Variants in MRPS28 observed in about 807,000 individuals in gnomAD.
The protein encoded by MRPS28 is mitochondrial ribosomal protein S28, also known as small ribosomal subunit protein bS1m.
Under a neutral mutation model 10.8 loss-of-function variants are expected in MRPS28, and 7 were observed. The observed-to-expected ratio is 0.65, with a 90% CI of 0.37 to 1.22. The LOEUF is 1.22. Among genes scored for constraint, MRPS28 ranks in the 50% most tolerant of loss-of-function variants. The pLI is 0.02. For missense variants in MRPS28, 265 were observed against 232.9 expected, an observed-to-expected ratio of 1.14 and a Z score of -0.90; for synonymous variants, 121 against 93.3, an observed-to-expected ratio of 1.30 and a Z score of -1.71.
rs55883340 is a variant in MRPS28, at chr8:80,018,295, C to CAAAAA, written c.213+11736_213+11740dup. 4.5e-4 allele frequency among the ~76,000 whole-genome samples: 24 copies of CAAAAA among 53,010 alleles called. 1 individual carries two copies. The highest frequency in any genetic ancestry group is 1.9e-3 in the African/African-American group (23 of 12,392). The allele number at this position is 53,010 out of a possible 152,430, so 34.8% of individuals were successfully genotyped here. A position where few individuals can be genotyped will look rare whatever the true frequency, so the allele number is the denominator to read the frequency against. On this transcript the variant is annotated intron_variant, in intron 1 of 2. Transcript: ENST00000276585. ...TGGGAGACAGAGCAATACTCTGTCT[C>CAAAAA]AAAAAAAAAAAAAAAAAAAAAAGGC...
intron 2 of MRPS28, among the ~76,000 whole-genome samples, chr8:79,979,390 C>T (rs148920069): frequency 4.2e-4 from 64 of 152,176 alleles, no homozygotes; most frequent in African/African-American, 1.4e-3. Flanking sequence ...CAGAGCCTTC[C>T]CTGCAGTTAG....
intron 2 of MRPS28, among the ~76,000 whole-genome samples, chr8:79,981,972 G>A (rs994806716): frequency 6.6e-6 from 1 of 152,204 alleles, no homozygotes; most frequent in South Asian, 2.1e-4. Flanking sequence ...TGGGCAGGGT[G>A]CAGTGGCTCA....
rs564318091 is a variant in MRPS28, at chr8:80,006,599, A to G, written c.214-3419T>C. On this transcript the variant is annotated intron_variant, in intron 1 of 2. Transcript: ENST00000276585. The stretch of plus-strand genomic sequence containing the variant: ...AATGATAAAGGGGATATCACCACCG[A>G]TCCCACAGAAATACAAACTAACATC... Among the ~76,000 whole-genome samples the G allele has an allele frequency of 6.1e-3, 928 of 152,320 alleles. 5 individuals are homozygous for G. Among genetic ancestry groups the G allele is most frequent in the African/African-American group, 0.021 (891 of 41,570 alleles).
At chr8:79,950,161 A>T (rs986585002) in intron 2 of MRPS28, among the ~76,000 whole-genome samples, 1 of 152,250 alleles carries the variant, frequency 6.6e-6, no homozygotes, top group Non-Finnish European at 1.5e-5. Context: ...CAAAATATTC[A>T]TTAAAAGTCA....
intron 2 of MRPS28, among the ~76,000 whole-genome samples, chr8:79,951,431 T>C (rs1807077683): frequency 6.6e-6 from 1 of 152,204 alleles, no homozygotes; most frequent in African/African-American, 2.4e-5. Flanking sequence ...CTGTGCATCC[T>C]GGCACACAGG....
intron 2 of MRPS28, among the ~76,000 whole-genome samples, chr8:79,981,132 G>A (rs2130076776): frequency 6.6e-6 from 1 of 152,188 alleles, no homozygotes; most frequent in African/African-American, 2.4e-5. Context: ...AGTTCAAGAT[G>A]AGCCTGGGCA....
At chr8:80,026,510 A>G (rs1809496693) in intron 1 of MRPS28, among the ~76,000 whole-genome samples, 1 of 152,216 alleles carries the variant, frequency 6.6e-6, no homozygotes, top group Non-Finnish European at 1.5e-5. Context: ...TATGCACTAC[A>G]TGTACTATTC....
chr8:80,028,664 C>CGGGGGGGGGGGG (rs1278468176), intron 1 of MRPS28: 10 of 7,074 alleles, frequency 1.4e-3, no homozygotes, highest in African/African-American at 2.2e-3. Context: ...GGGGCGGGGC[C>CGGGGGGGGGGGG]GGGCGGGGTC....
intron 2 of MRPS28, among the ~76,000 whole-genome samples, chr8:79,963,445 T>C (rs1174984959): frequency 6.6e-6 from 1 of 152,098 alleles, no homozygotes; most frequent in Admixed American, 6.6e-5. Context: ...TAATTACCTG[T>C]TTGCATTAAC....
At chr8:80,008,557 G>A (rs1454670453) in intron 1 of MRPS28, among the ~76,000 whole-genome samples, 1 of 152,086 alleles carries the variant, frequency 6.6e-6, no homozygotes. Flanking sequence ...AATCTACAAA[G>A]AACTCAAACA....
intron 2 of MRPS28, among the ~76,000 whole-genome samples, chr8:79,990,323 C>A (rs1360358852): frequency 6.6e-6 from 1 of 152,176 alleles, no homozygotes; most frequent in Non-Finnish European, 1.5e-5. Context: ...ATCAGTCTTT[C>A]TCTGAACAGG....
intron 2 of MRPS28, among the ~76,000 whole-genome samples, chr8:79,954,999 A>AT (rs1807167581): frequency 7.9e-5 from 12 of 151,810 alleles, no homozygotes; most frequent in African/African-American, 2.9e-4. Context: ...GACTCTCTTT[A>AT]GAAAAAAAAA....
chr8:80,005,992 T>A (rs1332945653), intron 1 of MRPS28, among the ~76,000 whole-genome samples: 4 of 152,166 alleles, frequency 2.6e-5, no homozygotes, highest in Non-Finnish European at 5.9e-5. Flanking sequence ...AAGCAAGTCC[T>A]TAGAGACCTA....
intron 2 of MRPS28, among the ~76,000 whole-genome samples, chr8:79,981,929 A>G (rs1037576119): frequency 6.6e-6 from 1 of 152,166 alleles, no homozygotes; most frequent in Admixed American, 6.5e-5. Flanking sequence ...AAGGAACACG[A>G]AGTATTCTAT....
chr8:80,023,008 ATGTTACAGG>A (rs2130246161), intron 1 of MRPS28, among the ~76,000 whole-genome samples: 1 of 152,364 alleles, frequency 6.6e-6, no homozygotes, highest in South Asian at 2.1e-4. Flanking sequence ...GCTTATAAGC[ATGTTACAGG>A]TGTTAACAAA....
At chr8:79,945,031 T>C (rs1025884426) in intron 2 of MRPS28, among the ~76,000 whole-genome samples, 1 of 152,028 alleles carries the variant, frequency 6.6e-6, no homozygotes, top group Non-Finnish European at 1.5e-5. Flanking sequence ...AACTTCAAAT[T>C]CAACATATGA....
At chr8:80,006,636 T>C (rs981069190) in intron 1 of MRPS28, among the ~76,000 whole-genome samples, 5 of 152,122 alleles carry the variant, frequency 3.3e-5, no homozygotes, top group East Asian at 3.8e-4. Flanking sequence ...GAGAATACTA[T>C]AAACACCTCT....
chr8:79,981,841 T>A (rs1807963234), intron 2 of MRPS28, among the ~76,000 whole-genome samples: 1 of 152,240 alleles, frequency 6.6e-6, no homozygotes, highest in Non-Finnish European at 1.5e-5. Flanking sequence ...AAAATCCACA[T>A]GAACATTATA....
At chr8:79,921,702 T>C (rs1198399435) in intron 2 of MRPS28, among the ~76,000 whole-genome samples, 17 of 152,168 alleles carry the variant, frequency 1.1e-4, no homozygotes, top group African/African-American at 3.1e-4. Flanking sequence ...TGGGGTTTTC[T>C]AGATATACAA....
Sources: allele counts gnomAD v4.1 joint callset (sites outside exome capture counted in the v4.1 genomes callset), GRCh38; gene constraint gnomAD v4.1.1; transcripts MANE v1.5; gene names NCBI Gene and HGNC (gene_info 2026-07-23, HGNC 2026-07-21).